UXS1: variants seen among roughly 807,000 people sequenced by gnomAD.
UXS1 encodes UDP-glucuronic acid decarboxylase 1.
A neutral mutation model predicts 62.6 loss-of-function variants in UXS1; 33 were observed. That is an observed-to-expected ratio of 0.53 (90% CI 0.40 to 0.70). The LOEUF is 0.70. UXS1 is among the 30% of genes least tolerant of loss of function. UXS1 has a pLI of 0.00. For synonymous variants in UXS1, 213 were observed against 206.8 expected, an observed-to-expected ratio of 1.03 and a Z score of -0.26; for missense variants, 434 against 556.3, an observed-to-expected ratio of 0.78 and a Z score of 2.21.
At chr2:106,129,863 C>A (rs1230881644) in intron 6 of UXS1, 85 bp from the exon 7 acceptor site, 3 of 726,644 alleles carry the variant, frequency 4.1e-6, no homozygotes, top group African/African-American at 3.7e-5. Context: ...GTATAATAAA[C>A]GTATTAGTAT....
At chr2:106,186,240 T>C (rs955904350) in intron 1 of UXS1, among the ~76,000 whole-genome samples, 1 of 152,172 alleles carries the variant, frequency 6.6e-6, no homozygotes, top group African/African-American at 2.4e-5. Context: ...AAAATGTACC[T>C]TCAAAATGAA....
At chr2:106,187,608 T>A (rs958529687) in intron 1 of UXS1, among the ~76,000 whole-genome samples, 7 of 152,230 alleles carry the variant, frequency 4.6e-5, no homozygotes, top group African/African-American at 1.7e-4. Context: ...TTTCAGGTTT[T>A]ATCTCTTTTC....
intron 6 of UXS1, among the ~76,000 whole-genome samples, chr2:106,136,395 A>G (rs1203396743): frequency 1.3e-5 from 2 of 148,336 alleles, no homozygotes; most frequent in African/African-American, 2.5e-5. Flanking sequence ...CATTTGACCC[A>G]GCCATCCCAT....
chr2:106,173,229 C>G (rs1369669656), intron 1 of UXS1, among the ~76,000 whole-genome samples: 2 of 152,134 alleles, frequency 1.3e-5, no homozygotes, highest in African/African-American at 4.8e-5. Flanking sequence ...CTAAAAAGCT[C>G]CCCCAAATGA....
chr2:106,167,348 A>G (rs1353798462), intron 1 of UXS1, among the ~76,000 whole-genome samples: 1 of 152,206 alleles, frequency 6.6e-6, no homozygotes, highest in Non-Finnish European at 1.5e-5. Context: ...GAGGAAGAAC[A>G]GAGAGATTAA....
At chr2:106,101,359 ATAGT>A (rs1172093549) in intron 11 of UXS1, 2 of 479,134 alleles carry the variant, frequency 4.2e-6, no homozygotes, top group South Asian at 3.2e-5. Context: ...TGTGGTGGAG[ATAGT>A]TAAATAGGAT....
chr2:106,190,830 TTTAAC>T (rs1684878819), intron 1 of UXS1, among the ~76,000 whole-genome samples: 1 of 151,664 alleles, frequency 6.6e-6, no homozygotes, highest in Non-Finnish European at 1.5e-5. Flanking sequence ...GCAGAAGCTA[TTTAAC>T]TTTTTACACT....
chr2:106,094,453 G>T (rs1243268191), intron 14 of UXS1, among the ~76,000 whole-genome samples: 2 of 152,190 alleles, frequency 1.3e-5, no homozygotes, highest in African/African-American at 4.8e-5. Flanking sequence ...ACCTCTTGCT[G>T]GTATAATGTC....
intron 6 of UXS1, among the ~76,000 whole-genome samples, chr2:106,142,923 A>ATGTG (rs141333004): frequency 0.015 from 2,253 of 149,038 alleles, 15 homozygotes; most frequent in Non-Finnish European, 0.019. Flanking sequence ...GTTTGCATGT[A>ATGTG]TGTGTGTGTG....
chr2:106,105,141 C>T (rs142689646), intron 10 of UXS1, among the ~76,000 whole-genome samples: 10 of 152,268 alleles, frequency 6.6e-5, no homozygotes, highest in Non-Finnish European at 1.3e-4. Context: ...TCATGTGAGG[C>T]TCTGGGGGGC....
intron 12 of UXS1, 84 bp from the exon 13 acceptor site, chr2:106,098,857 C>T (rs1677345883): frequency 3.9e-6 from 5 of 1,287,606 alleles, no homozygotes; most frequent in East Asian, 4.9e-5. Context: ...TCTGCAGAGA[C>T]GTCTACTGGC....
intron 10 of UXS1, among the ~76,000 whole-genome samples, chr2:106,110,934 C>T (rs936343816): frequency 6.6e-6 from 1 of 152,146 alleles, no homozygotes; most frequent in East Asian, 1.9e-4. Context: ...GATGAATGAA[C>T]AAGAATGCCT....
intron 5 of UXS1, among the ~76,000 whole-genome samples, chr2:106,149,977 T>C (rs1356438226): frequency 6.6e-6 from 1 of 152,160 alleles, no homozygotes; most frequent in Non-Finnish European, 1.5e-5. Context: ...AGGTCTCAGA[T>C]GGAAATGAGG....
chr2:106,097,129 C>T, intron 13 of UXS1: 2 of 508,682 alleles, frequency 3.9e-6, no homozygotes, highest in Non-Finnish European at 7.6e-6. Context: ...TGCTCCAAGG[C>T]AGACCACCCA....
intron 1 of UXS1, among the ~76,000 whole-genome samples, chr2:106,174,868 G>A (rs1005010449): frequency 4.6e-5 from 7 of 152,168 alleles, no homozygotes; most frequent in African/African-American, 1.7e-4. Flanking sequence ...ACCCATCCCT[G>A]GGCCACCCTT....
In UXS1 at chr2:106,165,817, GC is replaced by G. The variant is rs869177558; in HGVS notation, c.122+238del. Among the ~76,000 whole-genome samples, 64 of 9,060 alleles carry G rather than the reference GC, an allele frequency of 7.1e-3. 1 individual carries two copies. The highest frequency in any genetic ancestry group is 0.013 in the African/African-American group (60 of 4,690). The allele number at this position is 9,060 out of a possible 152,430, so 5.9% of individuals were successfully genotyped here. A position where few individuals can be genotyped will look rare whatever the true frequency, so the allele number is the denominator to read the frequency against. ...CTTTATTATCTACACAAGGAGGGAA[GC>G]GGGGGTGGCCGACCATTGTTTTACT... On this transcript the variant is annotated intron_variant, in intron 2 of 14. Transcript: ENST00000283148.
At chr2:106,164,689 G>T in intron 3 of UXS1, 47 bp downstream of exon 3, 2 of 1,377,930 alleles carry the variant, frequency 1.5e-6, no homozygotes, top group South Asian at 1.3e-5. Flanking sequence ...AAGTAAAATT[G>T]ACAAGTATAC....
intron 7 of UXS1, among the ~76,000 whole-genome samples, chr2:106,129,272 C>A (rs879306556): frequency 6.6e-6 from 1 of 152,176 alleles, no homozygotes; most frequent in African/African-American, 2.4e-5. Flanking sequence ...GTCAACCCAA[C>A]CTGGGGATCA....
chr2:106,120,753 C>G (rs59655155), intron 9 of UXS1, among the ~76,000 whole-genome samples: 13,014 of 152,250 alleles, frequency 0.085, 1,061 homozygotes, highest in East Asian at 0.35. Context: ...CACTGTGAAC[C>G]TGGCCACAGA....
Sources: allele counts gnomAD v4.1 joint callset (sites outside exome capture counted in the v4.1 genomes callset), GRCh38; gene constraint gnomAD v4.1.1; transcripts MANE v1.5; gene names NCBI Gene and HGNC (gene_info 2026-07-23, HGNC 2026-07-21).